Variants in MMP16 observed in about 807,000 individuals in gnomAD.
The protein encoded by MMP16 is matrix metallopeptidase 16.
In MMP16, 12 loss-of-function variants were observed where a neutral mutation model predicts 67.8. That is an observed-to-expected ratio of 0.18 (90% confidence interval 0.11 to 0.29). MMP16 has a LOEUF of 0.29. Ranked by LOEUF, MMP16 falls within the 10% of genes least tolerant of loss-of-function variation. The pLI, the probability that MMP16 is intolerant of heterozygous loss-of-function variation, is 1.00. For synonymous variants in MMP16, 249 were observed against 255.9 expected, an observed-to-expected ratio of 0.97 and a Z score of 0.26; for missense variants, 475 against 765.7, an observed-to-expected ratio of 0.62 and a Z score of 4.48.
intron 1 of MMP16, among the ~76,000 whole-genome samples, chr8:88,243,174 G>C (rs1413380652): frequency 2.6e-5 from 4 of 152,154 alleles, no homozygotes; most frequent in Admixed American, 2.0e-4. Flanking sequence ...AAAAATGAAA[G>C]TTACTGTTGT....
intron 6 of MMP16, among the ~76,000 whole-genome samples, chr8:88,081,154 G>A (rs1264372488): frequency 2.0e-5 from 3 of 152,172 alleles, no homozygotes; most frequent in East Asian, 3.9e-4. Context: ...CGAACACTAA[G>A]CCTAAGACAG....
chr8:88,138,819 C>T (rs1586170771), intron 4 of MMP16, among the ~76,000 whole-genome samples: 1 of 151,878 alleles, frequency 6.6e-6, no homozygotes, highest in Non-Finnish European at 1.5e-5. Flanking sequence ...CACACACATA[C>T]ACATATACAT....
At chr8:88,154,224 C>T (rs1017103251) in intron 4 of MMP16, among the ~76,000 whole-genome samples, 4 of 124,258 alleles carry the variant, frequency 3.2e-5, no homozygotes, top group Non-Finnish European at 6.7e-5. Context: ...ACAACAGGTG[C>T]TGGAGAGGAT....
At chr8:88,318,910 T>G (rs756838010) in intron 1 of MMP16, among the ~76,000 whole-genome samples, 3 of 152,186 alleles carry the variant, frequency 2.0e-5, no homozygotes, top group Admixed American at 6.6e-5. Flanking sequence ...AATGGCAGAA[T>G]GTAGGTGTTT....
chr8:88,103,568 T>C (rs1201797206), intron 6 of MMP16, among the ~76,000 whole-genome samples: 2 of 151,830 alleles, frequency 1.3e-5, no homozygotes, highest in African/African-American at 4.8e-5. Context: ...AACACAACCA[T>C]CATCAACTTC....
Position 88,056,264 on chromosome 8 carries a change from C to G in MMP16, c.1237G>C (p.Val413Leu), listed in dbSNP as rs771047374. ...GGTTGAAGAGTTGTATCCTTGAACACCCAATATTTGTTACCTGTATGGAAT... is the reference window on the plus strand; with the variant it reads ...GGTTGAAGAGTTGTATCCTTGAACAGCCAATATTTGTTACCTGTATGGAAT... ...FVFFKGNKYW[V>L]FKDTTLQPGY... The change falls in exon 8 of 10, where the codon GTG becomes CTG. Residue 413 changes from valine (V) to leucine (L), a missense_variant. Val to Leu is a conservative substitution (Grantham distance 32, BLOSUM62 1). Coordinates refer to ENST00000286614, the MANE Select transcript of MMP16 (RefSeq NM_005941.5). 1 of 1,562,932 alleles carries G rather than the reference C, an allele frequency of 6.4e-7. No homozygotes were observed. The highest frequency in any genetic ancestry group is 8.7e-7 in the Non-Finnish European group (1 of 1,149,816).
chr8:88,228,701 A>C (rs1390963110), intron 1 of MMP16, among the ~76,000 whole-genome samples: 1 of 152,114 alleles, frequency 6.6e-6, no homozygotes, highest in Non-Finnish European at 1.5e-5. Context: ...TGTTCTTTAG[A>C]CCAATATTTA....
At chr8:88,281,911 A>G (rs1045139438) in intron 1 of MMP16, among the ~76,000 whole-genome samples, 3 of 152,102 alleles carry the variant, frequency 2.0e-5, no homozygotes, top group African/African-American at 4.8e-5. Flanking sequence ...TTCTATGTCC[A>G]CAAGCCCCAT....
Position 88,327,209 on chromosome 8 carries a change from T to C in MMP16, c.-3A>G. On this transcript the variant is annotated 5_prime_UTR_variant, in exon 1 of 10. Transcript: ENST00000286614. ...GTGCTGAATGTGAGTAAGATCATAG[T>C]GAACTGTGCTTCAATGGATGGACGA... is the stretch of plus-strand genomic sequence containing the variant. The C allele has an allele frequency of 6.2e-7, 1 of 1,613,636 alleles. No individual in the cohort carries two copies. The highest frequency in any genetic ancestry group is 8.5e-7 in the Non-Finnish European group (1 of 1,179,816).
intron 6 of MMP16, among the ~76,000 whole-genome samples, chr8:88,082,396 G>A (rs1462383673): frequency 6.6e-6 from 1 of 151,924 alleles, no homozygotes; most frequent in Non-Finnish European, 1.5e-5. Flanking sequence ...TTTGTCTTTT[G>A]ACCCAGTAAT....
chr8:88,115,801 G>A (rs899716865), intron 6 of MMP16, among the ~76,000 whole-genome samples: 3 of 151,932 alleles, frequency 2.0e-5, no homozygotes, highest in African/African-American at 7.2e-5. Flanking sequence ...CTATTTTTCA[G>A]TATTATATTC....
intron 5 of MMP16, among the ~76,000 whole-genome samples, chr8:88,117,535 G>A (rs557105922): frequency 7.1e-4 from 108 of 152,182 alleles, no homozygotes; most frequent in African/African-American, 2.4e-3. Flanking sequence ...TCATGAGAAA[G>A]AGACTTCTTT....
chr8:88,135,738 G>A (rs960740378), intron 4 of MMP16, among the ~76,000 whole-genome samples: 3 of 151,836 alleles, frequency 2.0e-5, no homozygotes, highest in African/African-American at 7.2e-5. Context: ...GATAATACCA[G>A]GTTTCTGGTT....
chr8:88,276,764 A>G (rs1313203293), intron 1 of MMP16, among the ~76,000 whole-genome samples: 1 of 152,080 alleles, frequency 6.6e-6, no homozygotes, highest in Non-Finnish European at 1.5e-5. Flanking sequence ...TCATCTCTCA[A>G]TTATGAATAA....
At chr8:88,109,821 C>T (rs983819577) in intron 6 of MMP16, among the ~76,000 whole-genome samples, 6 of 151,046 alleles carry the variant, frequency 4.0e-5, no homozygotes, top group Non-Finnish European at 8.9e-5. Context: ...GAAAAACAGA[C>T]ATTTTTAACA....
chr8:88,085,520 T>A (rs1290618064), intron 6 of MMP16, among the ~76,000 whole-genome samples: 1 of 152,066 alleles, frequency 6.6e-6, no homozygotes, highest in Non-Finnish European at 1.5e-5. Context: ...TACATCTCAA[T>A]AGGTCAAATC....
chr8:88,286,950 C>T (rs1390759914), intron 1 of MMP16, among the ~76,000 whole-genome samples: 3 of 152,122 alleles, frequency 2.0e-5, no homozygotes, highest in Admixed American at 2.0e-4. Context: ...GGTGTCACTA[C>T]CCTAAATATA....
intron 1 of MMP16, among the ~76,000 whole-genome samples, chr8:88,261,330 T>C (rs942483465): frequency 6.6e-6 from 1 of 152,082 alleles, no homozygotes; most frequent in African/African-American, 2.4e-5. Context: ...GATTCAAAAA[T>C]ATCACATGGA....
At chr8:88,273,272 A>C (rs893280930) in intron 1 of MMP16, among the ~76,000 whole-genome samples, 1 of 76,678 alleles carries the variant, frequency 1.3e-5, no homozygotes, top group Non-Finnish European at 3.0e-5. Context: ...TTGTATTTTT[A>C]GTAGAGATGG....
Sources: allele counts gnomAD v4.1 joint callset (sites outside exome capture counted in the v4.1 genomes callset), GRCh38; gene constraint gnomAD v4.1.1; transcripts MANE v1.5; gene names NCBI Gene and HGNC (gene_info 2026-07-23, HGNC 2026-07-21).